KCNK2: variants seen among roughly 807,000 people sequenced by gnomAD.
KCNK2 encodes potassium two pore domain channel subfamily K member 2.
Under a neutral mutation model 40.5 loss-of-function variants are expected in KCNK2, and 21 were observed. That is an observed-to-expected ratio of 0.52 (90% CI 0.37 to 0.75). KCNK2 has a LOEUF of 0.75. KCNK2 is among the 30% of genes least tolerant of loss of function. The pLI is 0.00. For missense variants in KCNK2, 399 were observed against 531.6 expected (o/e 0.75, Z 2.45); for synonymous variants, 191 against 202.2 (o/e 0.94, Z 0.47).
chr1:215,074,753 G>A (rs1332091121), intron 1 of KCNK2, among the ~76,000 whole-genome samples: 1 of 152,180 alleles, frequency 6.6e-6, no homozygotes, highest in Non-Finnish European at 1.5e-5. Context: ...GTGGAGGATT[G>A]TCGGTGGAGG....
At chr1:215,012,201 A>C (rs1471947123) in intron 1 of KCNK2, among the ~76,000 whole-genome samples, 2 of 152,192 alleles carry the variant, frequency 1.3e-5, no homozygotes, top group Non-Finnish European at 2.9e-5. Context: ...GTAAATGTAC[A>C]TATAACTCTA....
At position 215,012,305 on chromosome 1, in the gene KCNK2, AGT is replaced by A. The variant is rs535956442; in HGVS notation, c.34+6352_34+6353del. Among the ~76,000 whole-genome samples the A allele has an allele frequency of 1.2e-3, 182 of 152,208 alleles. 1 individual carries two copies. Among genetic ancestry groups the A allele is most frequent in the African/African-American group, 4.2e-3 (173 of 41,532 alleles). On this transcript the variant is annotated intron_variant, in intron 1 of 6. Transcript: ENST00000391895. ...GTCCTAGTTACTTCGCATTTTTGCC[AGT>A]GCTTGGTATTGATGGCTTTTTGTTT...
chr1:215,233,594 A>G (rs1034644431), intron 6 of KCNK2, among the ~76,000 whole-genome samples: 5 of 152,198 alleles, frequency 3.3e-5, no homozygotes, highest in African/African-American at 1.2e-4. Context: ...ACTATCAGTT[A>G]TATTTCCTTT....
chr1:215,035,667 A>G (rs923700017), intron 1 of KCNK2, among the ~76,000 whole-genome samples: 3 of 152,036 alleles, frequency 2.0e-5, no homozygotes, highest in African/African-American at 7.2e-5. Context: ...CGTTCTTTCC[A>G]GTTTTTAATA....
Position 215,077,230 on chromosome 1 carries a change from A to G in KCNK2, c.35-9138A>G, listed in dbSNP as rs116045307. 4.7e-3 allele frequency among the ~76,000 whole-genome samples: 717 copies of G among 152,312 alleles called. 4 individuals are homozygous for G. Among genetic ancestry groups the G allele is most frequent in the African/African-American group, 0.015 (639 of 41,578 alleles). On this transcript the variant is annotated intron_variant, in intron 1 of 6. Transcript: ENST00000391895. ...TCATATAAAACACAACAGGTATGAGAAGGGGTGGTAAGTGCCTTTGGAAGG... is the reference window on the plus strand; with the variant it reads ...TCATATAAAACACAACAGGTATGAGGAGGGGTGGTAAGTGCCTTTGGAAGG...
At chr1:215,113,047 G>A (rs1440660506) in intron 2 of KCNK2, among the ~76,000 whole-genome samples, 1 of 152,118 alleles carries the variant, frequency 6.6e-6, no homozygotes, top group Non-Finnish European at 1.5e-5. Flanking sequence ...AGTAAGCATA[G>A]AATATACTAC....
chr1:215,206,992 A>T (rs1665338808), intron 6 of KCNK2, among the ~76,000 whole-genome samples: 1 of 152,180 alleles, frequency 6.6e-6, no homozygotes, highest in Admixed American at 6.5e-5. Flanking sequence ...CTCAATACTT[A>T]TAGGGCTCTG....
chr1:215,073,454 G>A (rs1480790793), intron 1 of KCNK2, among the ~76,000 whole-genome samples: 1 of 152,156 alleles, frequency 6.6e-6, no homozygotes, highest in African/African-American at 2.4e-5. Flanking sequence ...TTGGAGGTTA[G>A]GGGAGCTTTT....
intron 6 of KCNK2, among the ~76,000 whole-genome samples, chr1:215,197,011 T>C (rs1278328779): frequency 2.6e-5 from 4 of 152,152 alleles, no homozygotes; most frequent in African/African-American, 9.7e-5. Context: ...TATAATATTA[T>C]AAATAAACTA....
intron 1 of KCNK2, among the ~76,000 whole-genome samples, chr1:215,033,711 G>A (rs530678961): frequency 6.6e-6 from 1 of 152,240 alleles, no homozygotes; most frequent in East Asian, 1.9e-4. Context: ...AGGATAGAGG[G>A]GTCTGGGGTT....
intron 6 of KCNK2, among the ~76,000 whole-genome samples, chr1:215,225,622 C>A (rs1666355512): frequency 2.0e-5 from 3 of 152,182 alleles, no homozygotes; most frequent in African/African-American, 7.2e-5. Context: ...TCAATGGTCA[C>A]AGATTTCTCT....
intron 1 of KCNK2, among the ~76,000 whole-genome samples, chr1:215,033,571 G>A (rs12141327): frequency 0.35 from 52,432 of 151,930 alleles, 9,420 homozygotes; most frequent in South Asian, 0.67. Context: ...GTCTTTTAGC[G>A]AGCCTGTGCT....
intron 1 of KCNK2, among the ~76,000 whole-genome samples, chr1:215,075,907 C>T (rs1186618751): frequency 2.6e-5 from 4 of 152,272 alleles, no homozygotes; most frequent in Middle Eastern, 3.4e-3. Flanking sequence ...GCAGAATAAC[C>T]GGGGAACTTG....
chr1:215,037,089 G>T (rs1290022944), intron 1 of KCNK2, among the ~76,000 whole-genome samples: 4 of 142,788 alleles, frequency 2.8e-5, no homozygotes, highest in African/African-American at 1.0e-4. Context: ...TCTTGCTCCT[G>T]ATCTTAGAAG....
intron 2 of KCNK2, among the ~76,000 whole-genome samples, chr1:215,109,238 A>T (rs1660574281): frequency 6.6e-6 from 1 of 151,988 alleles, no homozygotes; most frequent in Non-Finnish European, 1.5e-5. Flanking sequence ...CTACTCTAAA[A>T]TATATATTAA....
intron 3 of KCNK2, among the ~76,000 whole-genome samples, chr1:215,138,920 G>A (rs1426953068): frequency 1.3e-5 from 2 of 152,150 alleles, no homozygotes; most frequent in East Asian, 3.9e-4. Context: ...TCTAGGAAGG[G>A]CATATAAATC....
At chr1:215,171,862 A>G (rs1571692200) in intron 4 of KCNK2, 135 bp from the exon 5 acceptor site, 1 of 522,550 alleles carries the variant, frequency 1.9e-6, no homozygotes, top group East Asian at 3.1e-5. Context: ...TAATTTGCTC[A>G]TAATAGTGTA....
chr1:215,141,434 G>T (rs1662169506), intron 3 of KCNK2, among the ~76,000 whole-genome samples: 2 of 152,046 alleles, frequency 1.3e-5, no homozygotes, highest in South Asian at 4.1e-4. Context: ...GAATTTTTCA[G>T]CTCTGTTATA....
In KCNK2 at chr1:215,168,475, T is replaced by G. The variant is rs373315411; in HGVS notation, c.476-724T>G. On this transcript the variant is annotated intron_variant, in intron 3 of 6. Coordinates refer to ENST00000444842, the MANE Select transcript of KCNK2 (RefSeq NM_001017425.3). Reference sequence around the variant, plus strand: ...ACCTAAATCCCCATCAATGATAGACTGGATAAGGAAAATGTGGTACATATA... The same window carrying G: ...ACCTAAATCCCCATCAATGATAGACGGGATAAGGAAAATGTGGTACATATA... Among the ~76,000 whole-genome samples, 16 of 152,308 alleles carry G rather than the reference T, an allele frequency of 1.1e-4. No individual in the cohort carries two copies. In the East Asian group the frequency reaches 2.9e-3, roughly 28 times the overall value.
Sources: allele counts gnomAD v4.1 joint callset (sites outside exome capture counted in the v4.1 genomes callset), GRCh38; gene constraint gnomAD v4.1.1; transcripts MANE v1.5; gene names NCBI Gene and HGNC (gene_info 2026-07-23, HGNC 2026-07-21).